NPVF: variants seen among roughly 807,000 people sequenced by gnomAD.
The protein encoded by NPVF is pro-FMRFamide-related neuropeptide VF.
In NPVF, 17 loss-of-function variants were observed where a neutral mutation model predicts 15.7. The observed-to-expected ratio is 1.08, with a 90% CI of 0.74 to 1.62. The LOEUF is 1.62. NPVF is among the 40% of genes most tolerant of loss of function. The pLI is 0.00. For missense variants in NPVF, 270 were observed against 225.2 expected, an observed-to-expected ratio of 1.20 and a Z score of -1.27; for synonymous variants, 70 against 80.1, an observed-to-expected ratio of 0.87 and a Z score of 0.67.
chr7:25,225,136 T>G lies in NPVF; in HGVS notation c.577A>C (p.Lys193Gln), dbSNP rs1421279239. 6.2e-7 allele frequency: 1 copy of G among 1,613,722 alleles called. No homozygotes were observed. The highest frequency in any genetic ancestry group is 1.7e-5 in the Admixed American group (1 of 59,930). The stretch of plus-strand genomic sequence containing the variant: ...CTCCAGGTTTCTTATTTTTCTTGTT[T>G]CAATTCTGCATCATCTATTTTCTTG... ...LFKKIDDAEL[K>Q]QEK The change falls in exon 3 of 3, where the codon AAA (lysine) becomes CAA (glutamine). Residue 193 changes from lysine to glutamine, a missense_variant. Coordinates refer to ENST00000222674, the MANE Select transcript of NPVF (RefSeq NM_022150.3).
Position 25,224,981 on chromosome 7 carries a change from T to G in NPVF, c.*141A>C, listed in dbSNP as rs1675147905. ...TTTTTTTACAACTTTCAAGATACTATTATAGCTGTACTGACAAGGAAAAAT... is the reference window on the plus strand; with the variant it reads ...TTTTTTTACAACTTTCAAGATACTAGTATAGCTGTACTGACAAGGAAAAAT... On this transcript the variant is annotated 3_prime_UTR_variant, in exon 3 of 3. Coordinates refer to ENST00000222674, the MANE Select transcript of NPVF (RefSeq NM_022150.3). 3 of 625,734 alleles carry G rather than the reference T, an allele frequency of 4.8e-6. No individual in the cohort carries two copies. Among genetic ancestry groups the G allele is most frequent in the African/African-American group, 1.9e-5 (1 of 52,996 alleles). 38.8% of individuals were successfully genotyped at this position (625,734 alleles called of 1,614,324 possible). A position where few individuals can be genotyped will look rare whatever the true frequency, so the allele number is the denominator to read the frequency against.
chr7:25,225,285 T>C, intron 2 of NPVF, 112 bp from the exon 3 acceptor site: 1 of 815,398 alleles, frequency 1.2e-6, no homozygotes, highest in Non-Finnish European at 2.0e-6. Context: ...AGTTGAATTG[T>C]GTTGCACTTG....
Position 25,226,643 on chromosome 7 carries a change from G to T in NPVF, c.522C>A (p.Pro174=), listed in dbSNP as rs987837470. The stretch of plus-strand genomic sequence containing the variant: ...GTATTTACCTTGACTGTTTTTGATC[G>T]GGATTCTGGATTTCTTGGTGCTGGC... ...MTCQHQEIQN[P]DQKQSRRLLF... Residue 174 remains proline (P), a synonymous_variant, in exon 2 of 3, where the codon CCC becomes CCA. Transcript: ENST00000222674. 1.2e-6 allele frequency: 2 copies of T among 1,613,340 alleles called. No individual in the cohort carries two copies. The highest frequency in any genetic ancestry group is 2.2e-5 in the South Asian group (2 of 91,024).
rs1285506340 is a variant in NPVF, at chr7:25,225,168, A to C, written c.545T>G (p.Leu182Arg). 5 of 1,611,644 alleles carry C rather than the reference A, an allele frequency of 3.1e-6. No individual in the cohort carries two copies. The highest frequency in any genetic ancestry group is 4.2e-6 in the Non-Finnish European group (5 of 1,178,052). The change falls in exon 3 of 3, where the codon CTG becomes CGG. Residue 182 changes from leucine (L) to arginine (R), a missense_variant. Physicochemically the swap from Leu to Arg is moderately radical, Grantham distance 102 (BLOSUM62 -2). Coordinates refer to ENST00000222674, the MANE Select transcript of NPVF (RefSeq NM_022150.3). The stretch of plus-strand genomic sequence containing the variant: ...TGCATCATCTATTTTCTTGAATAGC[A>C]GTCTCCTAAAATGTAAGCAGTATAA... ...QNPDQKQSRRLLFKKIDDAEL... is the reference protein window; with the variant it reads ...QNPDQKQSRRRLFKKIDDAEL...
chr7:25,228,163 A>T, intron 1 of NPVF, 139 bp downstream of exon 1: 1 of 641,078 alleles, frequency 1.6e-6, no homozygotes, highest in Non-Finnish European at 2.7e-6. Flanking sequence ...ACATTTATAC[A>T]TTGTCAGAGG....
At chr7:25,225,407 T>A (rs1213697757) in intron 2 of NPVF, among the ~76,000 whole-genome samples, 1 of 152,166 alleles carries the variant, frequency 6.6e-6, no homozygotes, top group Non-Finnish European at 1.5e-5. Context: ...AACATCTGAT[T>A]AGCTGTCAAT....
rs147644964 is a variant in NPVF, at chr7:25,226,997, G to C, written c.168C>G (p.Ser56Arg). 8.1e-4 allele frequency: 1,309 copies of C among 1,613,412 alleles called. 2 individuals are homozygous for C. Among genetic ancestry groups the C allele is most frequent in the Non-Finnish European group, 1.0e-3 (1,227 of 1,179,598 alleles). The stretch of plus-strand genomic sequence containing the variant: ...AATCTTTTAATTCCTCAAAATTGAG[G>C]CTTCTTTCCCCTTTTGGGTATCCTC... ...EPRGYPKGER[S>R]LNFEELKDWG... The change falls in exon 2 of 3, where the codon AGC becomes AGG. Residue 56 changes from serine (S) to arginine (R), a missense_variant. Ser to Arg is a moderately radical substitution (Grantham distance 110). Coordinates refer to ENST00000222674, the MANE Select transcript of NPVF (RefSeq NM_022150.3).
intron 2 of NPVF, 119 bp downstream of exon 2, chr7:25,226,507 T>G (rs1409733711): frequency 8.2e-7 from 1 of 1,220,342 alleles, no homozygotes; most frequent in Non-Finnish European, 1.1e-6. Context: ...TGCCTCTCTC[T>G]CCTGCTAGGA....
rs563642944 is a variant in NPVF at position 25,225,655 on chromosome 7, C to A, written c.540-482G>T. On this transcript the variant is annotated intron_variant, in intron 2 of 2. Coordinates refer to ENST00000222674, the MANE Select transcript of NPVF (RefSeq NM_022150.3). ...CCTAAAAATGACCTCCCTCTTCTCA[C>A]CAGTCTCCGAATGTTCAAGAGAAAG... 7.9e-5 allele frequency among the ~76,000 whole-genome samples: 12 copies of A among 152,332 alleles called. No individual in the cohort carries two copies. The East Asian group carries it at 2.3e-3, about 29-fold the overall frequency.
chr7:25,226,759 T>C lies in NPVF; in HGVS notation c.406A>G (p.Thr136Ala). Residue 136 changes from threonine (T) to alanine (A), a missense_variant, in exon 2 of 3, where the codon ACA becomes GCA. Physicochemically the swap from Thr to Ala is moderately conservative, Grantham distance 58. Coordinates refer to ENST00000222674, the MANE Select transcript of NPVF (RefSeq NM_022150.3). ...NLPQRFGRTT[T>A]AKSVCRMLSD... ...AGCATCCTGCAGACACTTTTGGCTG[T>C]TGTTGTTCTCCCAAACCTTTGGGGC... 1 of 1,614,206 alleles carries C rather than the reference T, an allele frequency of 6.2e-7. No individual in the cohort carries two copies. The highest frequency in any genetic ancestry group is 8.5e-7 in the Non-Finnish European group (1 of 1,180,018).
In NPVF at chr7:25,225,019, T is replaced by A; in HGVS notation, c.*103A>T. On this transcript the variant is annotated 3_prime_UTR_variant, in exon 3 of 3. Coordinates refer to ENST00000222674, the MANE Select transcript of NPVF (RefSeq NM_022150.3). ...GACAAGGAAAAATTGCCGTTGATGA[T>A]CCATAGCTGATGAAGTGTATGTAGC... is the stretch of plus-strand genomic sequence containing the variant. The A allele has an allele frequency of 1.1e-6, 1 of 919,202 alleles. No homozygotes were observed. Among genetic ancestry groups the A allele is most frequent in the Non-Finnish European group, 1.7e-6 (1 of 582,180 alleles). 56.9% of individuals were successfully genotyped at this position (919,202 alleles called of 1,614,324 possible). A position where few individuals can be genotyped will look rare whatever the true frequency, so the allele number is the denominator to read the frequency against.
Position 25,226,695 on chromosome 7 carries a change from G to A in NPVF, c.470C>T (p.Ala157Val), listed in dbSNP as rs751669310. 4 of 1,614,166 alleles carry A rather than the reference G, an allele frequency of 2.5e-6. No individual in the cohort carries two copies. Among genetic ancestry groups the A allele is most frequent in the Middle Eastern group, 1.6e-4 (1 of 6,062 alleles). ...LCQGSMHSPC[A>V]NDLFYSMTCQ... ...GGTCATGGAGTAAAATAAGTCATTG[G>A]CACATGGTGAATGCATGGATCCTTG... Residue 157 changes from alanine (A) to valine (V), a missense_variant, in exon 2 of 3, where the codon GCC (alanine) becomes GTC (valine). Transcript: ENST00000222674.
rs1439570613 is a variant in NPVF at position 25,227,018 on chromosome 7, T to C, written c.147A>G (p.Gly49=). The C allele has an allele frequency of 6.2e-7, 1 of 1,606,124 alleles. No individual in the cohort carries two copies. The highest frequency in any genetic ancestry group is 2.2e-5 in the East Asian group (1 of 44,826). The change falls in exon 2 of 3, where the codon GGA becomes GGG. Residue 49 remains glycine, a synonymous_variant. Transcript: ENST00000222674. ...ENYDKYSEPR[G]YPKGERSLNF... The stretch of plus-strand genomic sequence containing the variant: ...TGAGGCTTCTTTCCCCTTTTGGGTA[T>C]CCTCTAGGCTATAATTAGAAATGAC...
intron 1 of NPVF, among the ~76,000 whole-genome samples, chr7:25,227,364 A>G (rs1387146714): frequency 6.6e-6 from 1 of 152,064 alleles, no homozygotes; most frequent in Non-Finnish European, 1.5e-5. Context: ...TTTTTGATTC[A>G]TGTTGCTTAT....
chr7:25,228,318 T>C lies in NPVF; in HGVS notation c.122A>G (p.Tyr41Cys). The change falls in exon 1 of 3, where the codon TAT becomes TGT. Residue 41 changes from tyrosine to cysteine, a missense_variant. Coordinates refer to ENST00000222674, the MANE Select transcript of NPVF (RefSeq NM_022150.3). The stretch of plus-strand genomic sequence containing the variant: ...AAAACTTACCTCAGAATATTTGTCA[T>C]AATTTTCTTTGCTGTGAAGATTGGA... ...VMSNLHSKENYDKYSEPRGYP... is the reference protein window; with the variant it reads ...VMSNLHSKENCDKYSEPRGYP... 1.3e-6 allele frequency: 2 copies of C among 1,502,986 alleles called. No homozygotes were observed. Among genetic ancestry groups the C allele is most frequent in the South Asian group, 1.1e-5 (1 of 87,682 alleles). The allele number at this position is 1,502,986 out of a possible 1,614,324, so 93.1% of individuals were successfully genotyped here. A position where few individuals can be genotyped will look rare whatever the true frequency, so the allele number is the denominator to read the frequency against.
chr7:25,227,888 T>A (rs912229991), intron 1 of NPVF, among the ~76,000 whole-genome samples: 6 of 152,354 alleles, frequency 3.9e-5, no homozygotes, highest in African/African-American at 1.4e-4. Context: ...TACTAAGATA[T>A]AGATTTAGTA....
In NPVF at chr7:25,225,115, A is replaced by T; in HGVS notation, c.*7T>A. ...GGCCACAGCTTTAGGGACAGGCTCC[A>T]GGTTTCTTATTTTTCTTGTTTCAAT... On this transcript the variant is annotated 3_prime_UTR_variant, in exon 3 of 3. Transcript: ENST00000222674. 1 of 1,612,812 alleles carries T rather than the reference A, an allele frequency of 6.2e-7. No homozygotes were observed.
At chr7:25,226,052 G>T (rs1478146599) in intron 2 of NPVF, among the ~76,000 whole-genome samples, 2 of 152,090 alleles carry the variant, frequency 1.3e-5, no homozygotes, top group Non-Finnish European at 2.9e-5. Flanking sequence ...TTTTTTTTAA[G>T]CATACGCTCT....
rs541397652 is a variant in NPVF at position 25,228,483 on chromosome 7, T to C, written c.-44A>G. On this transcript the variant is annotated 5_prime_UTR_variant, in exon 1 of 3. Coordinates refer to ENST00000222674, the MANE Select transcript of NPVF (RefSeq NM_022150.3). ...TAAGTCTCTATGTGCAGCCCAATGT[T>C]TATGAGAGGAGAAAAAAATTGTGGT... The C allele has an allele frequency of 8.3e-6, 12 of 1,439,688 alleles. No individual in the cohort carries two copies. Among genetic ancestry groups the C allele is most frequent in the Non-Finnish European group, 1.1e-5 (12 of 1,058,916 alleles). The allele number at this position is 1,439,688 out of a possible 1,614,324, so 89.2% of individuals were successfully genotyped here. A position where few individuals can be genotyped will look rare whatever the true frequency, so the allele number is the denominator to read the frequency against.
Sources: allele counts gnomAD v4.1 joint callset (sites outside exome capture counted in the v4.1 genomes callset), GRCh38; gene constraint gnomAD v4.1.1; transcripts MANE v1.5; gene names NCBI Gene and HGNC (gene_info 2026-07-23, HGNC 2026-07-21).